Variants in MLIP observed in about 807,000 individuals in gnomAD.
MLIP encodes muscular LMNA-interacting protein.
MLIP carries 79 observed loss-of-function variants against 84.8 expected under a neutral mutation model. The observed-to-expected ratio is 0.93, with a 90% confidence interval of 0.78 to 1.12. MLIP has a LOEUF of 1.12. Ranked by LOEUF, MLIP falls within the 50% of genes most tolerant of loss-of-function variation. The probability of loss-of-function intolerance (pLI) is 0.00; values close to 1 mark genes in which losing one functional copy is unlikely to be tolerated. For synonymous variants in MLIP, 504 were observed against 463.0 expected, an observed-to-expected ratio of 1.09 and a Z score of -1.14; for missense variants, 1,257 against 1,160.6, an observed-to-expected ratio of 1.08 and a Z score of -1.21.
At chr6:54,158,582 G>A (rs1032286725) in intron 5 of MLIP, among the ~76,000 whole-genome samples, 3 of 151,886 alleles carry the variant, frequency 2.0e-5, no homozygotes, top group African/African-American at 4.8e-5. Context: ...ACCTATAATC[G>A]ATGATCAATT....
At chr6:54,255,263 C>G (rs887624560) in intron 12 of MLIP, among the ~76,000 whole-genome samples, 2 of 152,162 alleles carry the variant, frequency 1.3e-5, no homozygotes, top group Admixed American at 6.6e-5. Context: ...CATGGATGTT[C>G]CACTCACTAG....
At chr6:54,161,222 T>C (rs1308926281) in intron 8 of MLIP, among the ~76,000 whole-genome samples, 1 of 151,914 alleles carries the variant, frequency 6.6e-6, no homozygotes, top group Non-Finnish European at 1.5e-5. Context: ...AAAAATGAAG[T>C]AGACTAAAGT....
chr6:54,123,648 C>T (rs1770659580), intron 2 of MLIP, among the ~76,000 whole-genome samples: 1 of 152,146 alleles, frequency 6.6e-6, no homozygotes, highest in Non-Finnish European at 1.5e-5. Flanking sequence ...TGGCATAACT[C>T]TCTATTTTGA....
chr6:54,188,668 TAGA>T (rs1462343938), intron 9 of MLIP, among the ~76,000 whole-genome samples: 1 of 152,090 alleles, frequency 6.6e-6, no homozygotes, highest in East Asian at 1.9e-4. Context: ...ATATATTTAA[TAGA>T]AGATCAATAA....
At chr6:54,172,886 C>A in intron 9 of MLIP, among the ~76,000 whole-genome samples, 1 of 151,576 alleles carries the variant, frequency 6.6e-6, no homozygotes, top group Non-Finnish European at 1.5e-5. Flanking sequence ...AGTCCGTGGT[C>A]TTCTTAAAAT....
At chr6:54,025,754 C>CT (rs1479686680) in intron 1 of MLIP, among the ~76,000 whole-genome samples, 1 of 99,710 alleles carries the variant, frequency 1.0e-5, no homozygotes, top group Non-Finnish European at 2.7e-5. Flanking sequence ...CCCTAAGCTG[C>CT]CGGCTCATGT....
intron 12 of MLIP, among the ~76,000 whole-genome samples, chr6:54,233,117 AACTGCCTTCTTC>A (rs1307688995): frequency 6.6e-6 from 1 of 152,212 alleles, no homozygotes; most frequent in Non-Finnish European, 1.5e-5. Flanking sequence ...AAAACAGTAC[AACTGCCTTCTTC>A]ACTGCCTTGC....
At chr6:54,264,783 G>A (rs1056312324) in intron 13 of MLIP, among the ~76,000 whole-genome samples, 8 of 152,042 alleles carry the variant, frequency 5.3e-5, no homozygotes, top group African/African-American at 1.9e-4. Context: ...AATTCCAGAT[G>A]ATGAAAGCTA....
At chr6:54,021,719 G>C (rs1252491402) in intron 1 of MLIP, among the ~76,000 whole-genome samples, 1 of 152,118 alleles carries the variant, frequency 6.6e-6, no homozygotes, top group Admixed American at 6.5e-5. Context: ...CCAATTCAAG[G>C]TGACTCTTTT....
At chr6:54,133,718 C>T (rs1055019652) in intron 3 of MLIP, among the ~76,000 whole-genome samples, 15 of 152,146 alleles carry the variant, frequency 9.9e-5, no homozygotes, top group African/African-American at 3.1e-4. Flanking sequence ...GTCTCTATTA[C>T]ATAGGATCTG....
At chr6:54,111,857 G>A (rs186573585) in intron 1 of MLIP, among the ~76,000 whole-genome samples, 2 of 152,258 alleles carry the variant, frequency 1.3e-5, no homozygotes, top group East Asian at 1.9e-4. Flanking sequence ...GCGAGTGTGG[G>A]TGTCAACATC....
At chr6:54,241,930 G>A (rs1454063207) in intron 12 of MLIP, among the ~76,000 whole-genome samples, 1 of 152,082 alleles carries the variant, frequency 6.6e-6, no homozygotes, top group Non-Finnish European at 1.5e-5. Flanking sequence ...ATAAGGCAAG[G>A]GAGAATCATC....
Position 54,023,166 on chromosome 6 carries a change from CAAA to C in MLIP, c.63+4079_63+4081del, listed in dbSNP as rs1000096476. Among the ~76,000 whole-genome samples, 94 of 65,930 alleles carry C rather than the reference CAAA, an allele frequency of 1.4e-3. 1 individual carries two copies. In the South Asian group the frequency reaches 0.019, roughly 14 times the overall value. The allele number at this position is 65,930 out of a possible 152,430, so 43.3% of individuals were successfully genotyped here. On this transcript the variant is annotated intron_variant, in intron 1 of 12. Coordinates refer to the MLIP transcript ENST00000274897. ...TGGGCGACAGAGCGAGACTCCATCT[CAAA>C]AAATAATAATAATAATAATAATAAT... is the stretch of plus-strand genomic sequence containing the variant.
chr6:54,143,217 CTTT>C (rs35374553), intron 4 of MLIP, among the ~76,000 whole-genome samples: 8 of 132,500 alleles, frequency 6.0e-5, no homozygotes, highest in Admixed American at 7.6e-5. Flanking sequence ...GGGGGATTTG[CTTT>C]TTTTTTTTTT....
At chr6:54,138,373 T>G in intron 4 of MLIP, 87 bp downstream of exon 4, 1 of 1,415,336 alleles carries the variant, frequency 7.1e-7, no homozygotes, top group Admixed American at 2.6e-5. Context: ...TCAATAATTA[T>G]AGTATTAATT....
intron 1 of MLIP, chr6:54,045,346 C>A (rs201057989): frequency 2.1e-5 from 3 of 142,028 alleles, no homozygotes; most frequent in African/African-American, 5.2e-5. Context: ...GACTCCTTTT[C>A]AAAAAAAAAA....
At chr6:54,227,186 A>T (rs1225072355) in intron 11 of MLIP, among the ~76,000 whole-genome samples, 1 of 152,178 alleles carries the variant, frequency 6.6e-6, no homozygotes, top group Non-Finnish European at 1.5e-5. Flanking sequence ...CATAATTATA[A>T]GCTTCCTGAG....
At chr6:54,093,438 T>C (rs1289550501) in intron 1 of MLIP, among the ~76,000 whole-genome samples, 1 of 151,694 alleles carries the variant, frequency 6.6e-6, no homozygotes. Context: ...CAGGACTCAC[T>C]GATAGTCATG....
chr6:54,242,983 T>G (rs1198487166), intron 12 of MLIP, among the ~76,000 whole-genome samples: 2 of 152,116 alleles, frequency 1.3e-5, no homozygotes. Flanking sequence ...ATCTGTTAGG[T>G]GCAAAGCACT....
Sources: gnomAD v4.1 joint callset for allele counts (sites outside exome capture counted in the v4.1 genomes callset) on GRCh38, gnomAD v4.1.1 for gene constraint, MANE v1.5 for transcripts, NCBI Gene and HGNC (gene_info 2026-07-23, HGNC 2026-07-21) for gene names.